N4BP2: variants seen among roughly 807,000 people sequenced by gnomAD.
The protein encoded by N4BP2 is NEDD4-binding protein 2.
In N4BP2, 91 loss-of-function variants were observed where a neutral mutation model predicts 152.8. The ratio of observed to expected loss-of-function variants is 0.60; its 90% CI spans 0.50 to 0.71. N4BP2 has a LOEUF of 0.71. N4BP2 is among the 30% of genes least tolerant of loss of function. N4BP2 has a pLI of 0.00. For synonymous variants in N4BP2, 646 were observed against 705.3 expected (o/e 0.92, Z 1.33); for missense variants, 1,923 against 2,059.1 (o/e 0.93, Z 1.28).
intron 4 of N4BP2, among the ~76,000 whole-genome samples, chr4:40,105,604 C>T (rs1177969133): frequency 6.6e-6 from 1 of 150,882 alleles, no homozygotes; most frequent in Non-Finnish European, 1.5e-5. Flanking sequence ...GGCTGGAGTG[C>T]AGTGGCACGT....
In N4BP2 at chr4:40,120,570, A is replaced by G; in HGVS notation, c.2459A>G (p.Asn820Ser). The change falls in exon 9 of 18, where the codon AAT becomes AGT. Residue 820 changes from asparagine (N) to serine (S), a missense_variant. Asn to Ser is a conservative substitution (Grantham distance 46). Transcript: ENST00000261435. ...TSSVQSDKKYNYPQSHKLVNS... is the reference protein window; with the variant it reads ...TSSVQSDKKYSYPQSHKLVNS... ...TCCGTACAAAGCGACAAAAAGTATA[A>G]TTACCCTCAGTCACACAAATTAGTT... The G allele has an allele frequency of 6.2e-7, 1 of 1,614,138 alleles. No homozygotes were observed. The highest frequency in any genetic ancestry group is 1.7e-5 in the Admixed American group (1 of 60,010).
chr4:40,176,362 A>G, the N4BP2 span, among the ~76,000 whole-genome samples: 3 of 152,336 alleles, frequency 2.0e-5, no homozygotes, highest in East Asian at 5.8e-4. Context: ...GCTGATCAAA[A>G]TCTTCACTAA....
chr4:40,154,434 T>C lies in N4BP2; in HGVS notation c.*197T>C, dbSNP rs899977525. The C allele has an allele frequency of 5.4e-5, 25 of 466,978 alleles. No individual in the cohort carries two copies. The highest frequency in any genetic ancestry group is 8.6e-5 in the Non-Finnish European group (23 of 267,338). The allele number at this position is 466,978 out of a possible 1,614,324, so 28.9% of individuals were successfully genotyped here. A position where few individuals can be genotyped will look rare whatever the true frequency, so the allele number is the denominator to read the frequency against. ...TGAATCAAATGCAAATGTTACCTGTTAAAGATATTACAGAGAAATTTTATT... is the reference window on the plus strand; with the variant it reads ...TGAATCAAATGCAAATGTTACCTGTCAAAGATATTACAGAGAAATTTTATT... On this transcript the variant is annotated 3_prime_UTR_variant, in exon 18 of 18. Transcript: ENST00000261435.
chr4:40,105,391 T>G (rs1716166614), intron 4 of N4BP2, among the ~76,000 whole-genome samples: 1 of 150,296 alleles, frequency 6.7e-6, no homozygotes, highest in African/African-American at 2.5e-5. Flanking sequence ...TGGTGTGATC[T>G]CAGCTTACTG....
the N4BP2 span, among the ~76,000 whole-genome samples, chr4:40,165,079 A>C: frequency 1.3e-5 from 2 of 152,140 alleles, no homozygotes; most frequent in African/African-American, 4.8e-5. Flanking sequence ...ATTTATTTTT[A>C]AAGTACCTTA....
chr4:40,175,318 T>A, the N4BP2 span, among the ~76,000 whole-genome samples: 1 of 141,016 alleles, frequency 7.1e-6, no homozygotes, highest in Non-Finnish European at 1.5e-5. Flanking sequence ...CCACCAAGCC[T>A]GGTATATATG....
Position 40,131,836 on chromosome 4 carries a change from C to T in N4BP2, c.4563C>T (p.Ala1521=). Residue 1521 remains alanine, a synonymous_variant, in exon 13 of 18, where the codon GCC becomes GCT. Transcript: ENST00000261435. ...CCCTTATGTTTGAAAAAGATTGTGC[C>T]ACTAAACTAAAGGAGAAGCAGCTCT... ...RETLMFEKDC[A]TKLKEKQLFK... The T allele has an allele frequency of 6.2e-7, 1 of 1,613,412 alleles. No individual in the cohort carries two copies. Among genetic ancestry groups the T allele is most frequent in the African/African-American group, 1.3e-5 (1 of 74,974 alleles).
intron 1 of N4BP2, among the ~76,000 whole-genome samples, chr4:40,065,458 GA>G (rs1350294245): frequency 1.3e-5 from 2 of 152,226 alleles, no homozygotes; most frequent in Admixed American, 1.3e-4. Flanking sequence ...ATTAGGAACA[GA>G]ACCTTAGCGA....
Position 40,097,401 on chromosome 4 carries a change from G to A in N4BP2, c.61G>A (p.Glu21Lys). The A allele has an allele frequency of 6.2e-7, 1 of 1,614,108 alleles. No homozygotes were observed. Among genetic ancestry groups the A allele is most frequent in the Non-Finnish European group, 8.5e-7 (1 of 1,179,998 alleles). ...NPFRKTANPKEVVVSSVASRE... is the reference protein window; with the variant it reads ...NPFRKTANPKKVVVSSVASRE... ...TTTTCGGAAGACTGCAAACCCTAAG[G>A]AAGTTGTCGTATCCAGTGTTGCTAG... Residue 21 changes from glutamate (E) to lysine (K), a missense_variant, in exon 3 of 18, where the codon GAA becomes AAA. Coordinates refer to ENST00000261435, the MANE Select transcript of N4BP2 (RefSeq NM_018177.6).
the N4BP2 span, among the ~76,000 whole-genome samples, chr4:40,170,357 G>A: frequency 6.6e-6 from 1 of 152,098 alleles, no homozygotes; most frequent in Non-Finnish European, 1.5e-5. Flanking sequence ...GGTGGCTCAC[G>A]CCTGTGATCC....
chr4:40,129,145 C>T (rs934627401), intron 12 of N4BP2, among the ~76,000 whole-genome samples: 1 of 151,908 alleles, frequency 6.6e-6, no homozygotes, highest in Non-Finnish European at 1.5e-5. Flanking sequence ...GCCTTTTGGG[C>T]TCAAGCCATC....
chr4:40,146,141 T>G (rs1225452360), intron 16 of N4BP2, among the ~76,000 whole-genome samples: 1 of 151,826 alleles, frequency 6.6e-6, no homozygotes, highest in Non-Finnish European at 1.5e-5. Flanking sequence ...CCAGCCTGGG[T>G]GACAGAGCGA....
chr4:40,101,791 C>T lies in N4BP2; in HGVS notation c.230-284C>T, dbSNP rs186743054. Among the ~76,000 whole-genome samples the T allele has an allele frequency of 3.9e-5, 6 of 152,188 alleles. No homozygotes were observed. In the East Asian group the frequency reaches 9.6e-4, roughly 24 times the overall value. On this transcript the variant is annotated intron_variant, in intron 3 of 17. Coordinates refer to ENST00000261435, the MANE Select transcript of N4BP2 (RefSeq NM_018177.6). ...AATTACAGATATTTATGTATTTACTCAATTCAGCAAATAATATTTATTTGA... is the reference window on the plus strand; with the variant it reads ...AATTACAGATATTTATGTATTTACTTAATTCAGCAAATAATATTTATTTGA...
chr4:40,157,935 A>T lies in N4BP2; in HGVS notation c.*3698A>T, dbSNP rs930286508. 3 of 152,320 alleles carry T rather than the reference A, an allele frequency of 2.0e-5. No homozygotes were observed. The highest frequency in any genetic ancestry group is 4.4e-5 in the Non-Finnish European group (3 of 68,004). 9.4% of individuals were successfully genotyped at this position (152,320 alleles called of 1,614,324 possible). A position where few individuals can be genotyped will look rare whatever the true frequency, so the allele number is the denominator to read the frequency against. ...GTTTATAACTTCATATTATATGATG[A>T]CAAAGTTCATTATTTTCCTTAAAGT... On this transcript the variant is annotated 3_prime_UTR_variant, in exon 18 of 18. Transcript: ENST00000261435.
At chr4:40,092,020 A>ATATATC (rs1714643639) in intron 2 of N4BP2, among the ~76,000 whole-genome samples, 1 of 113,016 alleles carries the variant, frequency 8.8e-6, no homozygotes, top group Non-Finnish European at 1.8e-5. Flanking sequence ...ATATATATAT[A>ATATATC]TATATATATA....
rs1560588637 is a variant in N4BP2, at chr4:40,097,316, A to G, written c.-25A>G. The G allele has an allele frequency of 6.3e-7, 1 of 1,586,834 alleles. No individual in the cohort carries two copies. Among genetic ancestry groups the G allele is most frequent in the East Asian group, 2.2e-5 (1 of 44,620 alleles). ...TCAAACATCTTAACTAAGAAAAGGG[A>G]AACATTTTAGTTTTGGAAGTCAGAA... On this transcript the variant is annotated 5_prime_UTR_variant, in exon 3 of 18. Transcript: ENST00000261435.
chr4:40,129,639 T>C (rs546427258), intron 12 of N4BP2, among the ~76,000 whole-genome samples: 1 of 152,002 alleles, frequency 6.6e-6, no homozygotes, highest in East Asian at 1.9e-4. Context: ...TTTTTCTTTC[T>C]TTTTTTTCTC....
At chr4:40,162,141 T>C (rs1045575082), downstream of N4BP2, among the ~76,000 whole-genome samples, 2 of 152,190 alleles carry the variant, frequency 1.3e-5, no homozygotes, top group African/African-American at 4.8e-5. Context: ...TTCTAATATA[T>C]ATAGAATTTT....
intron 7 of N4BP2, among the ~76,000 whole-genome samples, chr4:40,115,251 C>T (rs1717241361): frequency 6.6e-6 from 1 of 152,116 alleles, no homozygotes; most frequent in African/African-American, 2.4e-5. Flanking sequence ...GATCCCAGTA[C>T]TTTGGGAAGC....
Sources: allele counts gnomAD v4.1 joint callset (sites outside exome capture counted in the v4.1 genomes callset), GRCh38; gene constraint gnomAD v4.1.1; transcripts MANE v1.5; gene names NCBI Gene and HGNC (gene_info 2026-07-23, HGNC 2026-07-21).